ARHGAP29: variants seen among roughly 807,000 people sequenced by gnomAD.
ARHGAP29 encodes the protein rho GTPase-activating protein 29.
Under a neutral mutation model 122.6 loss-of-function variants are expected in ARHGAP29, and 43 were observed. That is an observed-to-expected ratio of 0.35 (90% CI 0.27 to 0.45). The LOEUF (loss-of-function observed/expected upper bound fraction) is 0.45. Ranked by LOEUF, ARHGAP29 falls within the 20% of genes least tolerant of loss-of-function variation. ARHGAP29 has a pLI of 1.00. For synonymous variants in ARHGAP29, 506 were observed against 497.1 expected, an observed-to-expected ratio of 1.02 and a Z score of -0.24; for missense variants, 1,303 against 1,477.2, an observed-to-expected ratio of 0.88 and a Z score of 1.93.
At chr1:94,255,250 G>A (rs1654292986) in intron 1 of ARHGAP29, among the ~76,000 whole-genome samples, 1 of 152,166 alleles carries the variant, frequency 6.6e-6, no homozygotes, top group Non-Finnish European at 1.5e-5. Flanking sequence ...ACACACAGAG[G>A]GAAGACCATG....
Position 94,174,549 on chromosome 1 carries a change from C to T in ARHGAP29, c.3106G>A (p.Gly1036Ser). 1 of 1,614,122 alleles carries T rather than the reference C, an allele frequency of 6.2e-7. No homozygotes were observed. The highest frequency in any genetic ancestry group is 8.5e-7 in the Non-Finnish European group (1 of 1,180,018). Reference sequence around the variant, plus strand: ...AAATTTACATTTCCCATATTTCTGCCATTTCTCTCATTAGGAGGACTTGCA... The same window carrying T: ...AAATTTACATTTCCCATATTTCTGCTATTTCTCTCATTAGGAGGACTTGCA... ...LLASPPNERN[G>S]RNMGNVNLDK... Residue 1036 changes from glycine to serine, a missense_variant, in exon 23 of 23, where the codon GGC becomes AGC. Around this residue, in one of 3 missense-constraint regions of ARHGAP29, gnomAD observed 620 missense variants for 651.2 expected, o/e 0.95. Transcript: ENST00000260526.
upstream of ARHGAP29, among the ~76,000 whole-genome samples, chr1:94,238,002 T>C (rs1285099627): frequency 2.0e-5 from 3 of 151,174 alleles, no homozygotes; most frequent in Non-Finnish European, 4.4e-5. Context: ...CCATCTACTC[T>C]GCCCCTCTGC....
chr1:94,265,336 G>A (rs138276422), intron 1 of ARHGAP29, among the ~76,000 whole-genome samples: 22 of 152,320 alleles, frequency 1.4e-4, no homozygotes, highest in African/African-American at 4.1e-4. Flanking sequence ...GCATGACCTC[G>A]CATTCCTGAT....
At chr1:94,197,929 A>T (rs1650574512) in intron 12 of ARHGAP29, among the ~76,000 whole-genome samples, 1 of 152,226 alleles carries the variant, frequency 6.6e-6, no homozygotes, top group South Asian at 2.1e-4. Flanking sequence ...TAAGATGGAC[A>T]ATTAGGCCAG....
chr1:94,203,189 G>C lies in ARHGAP29; in HGVS notation c.784C>G (p.Leu262Val). The change falls in exon 9 of 23, where the codon CTG (leucine) becomes GTG (valine). Residue 262 changes from leucine to valine, a missense_variant. By Grantham distance (32) the Leu-to-Val change is conservative (BLOSUM62 1). This residue lies in a region of ARHGAP29 where 592 missense variants were observed against 648.2 expected (regional missense o/e 0.91). Transcript: ENST00000260526. The stretch of plus-strand genomic sequence containing the variant: ...TCATTAAGAAGAGCATTAGTAAACA[G>C]AGACTGCAGTGGCATGAACTCCTAA... The part of the protein sequence containing the change: ...GIQEFMPLQS[L>V]FTNALLNDIE... 1 of 1,610,062 alleles carries C rather than the reference G, an allele frequency of 6.2e-7. No individual in the cohort carries two copies.
intron 18 of ARHGAP29, 38 bp downstream of exon 18, chr1:94,184,834 C>T (rs752784341): frequency 6.9e-7 from 1 of 1,456,368 alleles, no homozygotes; most frequent in Non-Finnish European, 9.3e-7. Flanking sequence ...GTTACACAGG[C>T]ATTTATGCTT....
intron 1 of ARHGAP29, among the ~76,000 whole-genome samples, chr1:94,258,280 C>G (rs1654436725): frequency 6.6e-6 from 1 of 152,182 alleles, no homozygotes; most frequent in African/African-American, 2.4e-5. Context: ...AATGTGCCCT[C>G]TAGTCATAGG....
chr1:94,242,935 G>T (rs1048482144), intron 1 of ARHGAP29, among the ~76,000 whole-genome samples: 1 of 151,896 alleles, frequency 6.6e-6, no homozygotes. Flanking sequence ...AGGTATCAAA[G>T]AATTTTACCA....
At chr1:94,208,186 G>T (rs1464596896) in intron 5 of ARHGAP29, among the ~76,000 whole-genome samples, 1 of 152,062 alleles carries the variant, frequency 6.6e-6, no homozygotes, top group Non-Finnish European at 1.5e-5. Flanking sequence ...GGATGGTCTT[G>T]AACTCCTAGC....
rs915421442 is a variant in ARHGAP29, at chr1:94,174,063, G to C, written c.3592C>G (p.Pro1198Ala). ...AAVPPGTDHD[P>A]HGLVVKSMPD... ...ATTGACTTCACCACGAGACCGTGGG[G>C]ATCGTGATCTGTGCCAGGAGGCACT... Residue 1198 changes from proline to alanine, a missense_variant, in exon 23 of 23, where the codon CCC (proline) becomes GCC (alanine). Pro to Ala is a conservative substitution (Grantham distance 27). Transcript: ENST00000260526. 2 of 1,614,208 alleles carry C rather than the reference G, an allele frequency of 1.2e-6. No homozygotes were observed.
At position 94,187,892 on chromosome 1, in the gene ARHGAP29, T is replaced by A. The variant is rs533615875; in HGVS notation, c.1681+945A>T. On this transcript the variant is annotated intron_variant, in intron 15 of 22. Coordinates refer to ENST00000260526, the MANE Select transcript of ARHGAP29 (RefSeq NM_004815.4). Reference sequence around the variant, plus strand: ...AAGGCAGCAAAGTGGCAGGTGATAATCAGCCTAAGAACCCAGTGCTGCGTG... The same window carrying A: ...AAGGCAGCAAAGTGGCAGGTGATAAACAGCCTAAGAACCCAGTGCTGCGTG... 1.1e-4 allele frequency among the ~76,000 whole-genome samples: 17 copies of A among 152,258 alleles called. No individual in the cohort carries two copies. The South Asian group carries it at 3.3e-3, about 30-fold the overall frequency.
chr1:94,265,960 T>C (rs763344214), intron 1 of ARHGAP29, among the ~76,000 whole-genome samples: 4 of 152,174 alleles, frequency 2.6e-5, no homozygotes, highest in Non-Finnish European at 4.4e-5. Flanking sequence ...TAGCAGCTGC[T>C]ATAGACTTGG....
intron 12 of ARHGAP29, chr1:94,191,357 CTCT>C (rs538853218): frequency 4.8e-4 from 73 of 152,256 alleles, no homozygotes; most frequent in African/African-American, 1.8e-3. Context: ...GCCATGTTTC[CTCT>C]TCATCTCTCT....
In ARHGAP29 at chr1:94,257,580, C is replaced by T. The variant is rs370620287; in HGVS notation, c.-33+17432G>A. 5.8e-4 allele frequency among the ~76,000 whole-genome samples: 89 copies of T among 152,182 alleles called. No homozygotes were observed. The South Asian group carries it at 0.018, about 31-fold the overall frequency. Reference sequence around the variant, plus strand: ...AAAAAATTAACTGAGCATAGTGGCACATGCCTGTGGTCCCAGCTACTTGGG... The same window carrying T: ...AAAAAATTAACTGAGCATAGTGGCATATGCCTGTGGTCCCAGCTACTTGGG... On this transcript the variant is annotated intron_variant and NMD_transcript_variant, in intron 1 of 25. Transcript: ENST00000552844.
At chr1:94,226,942 T>C (rs184682240) in intron 2 of ARHGAP29, among the ~76,000 whole-genome samples, 1 of 152,080 alleles carries the variant, frequency 6.6e-6, no homozygotes, top group East Asian at 1.9e-4. Flanking sequence ...TAAAGTTAAG[T>C]AGGAGGCATC....
chr1:94,283,509 T>C, the ARHGAP29 span, among the ~76,000 whole-genome samples: 2 of 152,224 alleles, frequency 1.3e-5, no homozygotes, highest in African/African-American at 4.8e-5. Flanking sequence ...ATAACTCAAA[T>C]GGTTACCAAA....
At chr1:94,237,108 G>A (rs994447903) in intron 1 of ARHGAP29, among the ~76,000 whole-genome samples, 14 of 152,352 alleles carry the variant, frequency 9.2e-5, no homozygotes, top group African/African-American at 2.2e-4. Flanking sequence ...CGGACCCGTT[G>A]TACGCGCTGT....
chr1:94,229,835 A>C (rs1156995757), intron 2 of ARHGAP29, among the ~76,000 whole-genome samples: 1 of 151,638 alleles, frequency 6.6e-6, no homozygotes, highest in Non-Finnish European at 1.5e-5. Context: ...TTTTGGAGAT[A>C]AGTAGTCCAG....
chr1:94,208,917 G>T lies in ARHGAP29; in HGVS notation c.438-13C>A. 1.2e-6 allele frequency: 2 copies of T among 1,608,166 alleles called. No individual in the cohort carries two copies. Among genetic ancestry groups the T allele is most frequent in the Admixed American group, 1.7e-5 (1 of 59,756 alleles). ...GAAGTTTGTAAGGCTATCCAAGGAG[G>T]TTAAAAAAAGAAAGACAAGTCATTA... On this transcript the variant is annotated splice_polypyrimidine_tract_variant and intron_variant, in intron 4 of 22. Coordinates refer to ENST00000260526, the MANE Select transcript of ARHGAP29 (RefSeq NM_004815.4).
Sources: gnomAD v4.1 joint callset for allele counts (sites outside exome capture counted in the v4.1 genomes callset) on GRCh38, gnomAD v4.1.1 for gene constraint, gnomAD v4.1.1 regional missense constraint, MANE v1.5 for transcripts, NCBI Gene and HGNC (gene_info 2026-07-23, HGNC 2026-07-21) for gene names.